Variants in ZNF611 observed in about 807,000 individuals in gnomAD.
ZNF611 encodes zinc finger protein 611.
ZNF611 carries 6 observed loss-of-function variants against 8.9 expected under a neutral mutation model. The ratio of observed to expected loss-of-function variants is 0.68; its 90% CI spans 0.37 to 1.34. The LOEUF (loss-of-function observed/expected upper bound fraction) is 1.34. ZNF611 is among the 40% of genes most tolerant of loss of function. ZNF611 has a pLI of 0.02. For missense variants in ZNF611, 874 were observed against 841.3 expected (o/e 1.04, Z -0.48); for synonymous variants, 262 against 279.7 (o/e 0.94, Z 0.63).
intron 2 of ZNF611, among the ~76,000 whole-genome samples, chr19:52,729,312 T>C (rs532588761): frequency 6.6e-6 from 1 of 151,732 alleles, no homozygotes; most frequent in South Asian, 2.1e-4. Flanking sequence ...CAAATAATCA[T>C]AGCACAAAGA....
chr19:52,714,263 G>A, intron 4 of ZNF611, 122 bp from the exon 5 acceptor site: 2 of 1,502,574 alleles, frequency 1.3e-6, no homozygotes, highest in Non-Finnish European at 1.8e-6. Context: ...ACAAAAGGAT[G>A]TTAAGGTATT....
rs1447502855 is a variant in ZNF611, at chr19:52,715,415, G to A, written c.63+417C>T. Among the ~76,000 whole-genome samples the A allele has an allele frequency of 7.9e-5, 12 of 152,240 alleles. No individual in the cohort carries two copies. In the South Asian group the frequency reaches 1.4e-3, roughly 18 times the overall value. ...GGTTGCAGTGAGCTGATACCATGCC[G>A]GATACAAAATCTCTCTCCTTATTAT... On this transcript the variant is annotated intron_variant, in intron 4 of 5. Transcript: ENST00000652185.
intron 3 of ZNF611, among the ~76,000 whole-genome samples, chr19:52,723,120 CTTG>C (rs1486331570): frequency 6.6e-6 from 1 of 151,576 alleles, no homozygotes; most frequent in Non-Finnish European, 1.5e-5. Context: ...CTTTCTAGCT[CTTG>C]TTTTCTTTTC....
rs750311214 is a variant in ZNF611, at chr19:52,706,458, C to G, written c.597G>C (p.Arg199Ser). ...SVSTFQRISC[R>S]PQTQISNNYG... is the part of the protein sequence containing the mutation. ...AGTTATTAGAAATCTGGGTTTGGGGCCTACAGGAAATTCTTTGGAATGTTG... is the reference window on the plus strand; with the variant it reads ...AGTTATTAGAAATCTGGGTTTGGGGGCTACAGGAAATTCTTTGGAATGTTG... The change falls in exon 6 of 6, where the codon AGG (arginine) becomes AGC (serine). Residue 199 changes from arginine (R) to serine (S), a missense_variant. Coordinates refer to ENST00000652185, the MANE Select transcript of ZNF611 (RefSeq NM_001161499.2). The G allele has an allele frequency of 6.2e-7, 1 of 1,614,030 alleles. No homozygotes were observed. Among genetic ancestry groups the G allele is most frequent in the Admixed American group, 1.7e-5 (1 of 59,992 alleles).
chr19:52,731,070 T>G (rs28850924), intron 1 of ZNF611, among the ~76,000 whole-genome samples: 53,437 of 151,112 alleles, frequency 0.35, 9,495 homozygotes, highest in East Asian at 0.41. Context: ...TATTTTTTTT[T>G]GGGGGTGGGG....
rs562082284 is a variant in ZNF611 at position 52,722,730 on chromosome 19, C to T, written c.-20+6000G>A. Among the ~76,000 whole-genome samples, 4 of 152,206 alleles carry T rather than the reference C, an allele frequency of 2.6e-5. No individual in the cohort carries two copies. The East Asian group carries it at 7.7e-4, about 29-fold the overall frequency. On this transcript the variant is annotated intron_variant, in intron 3 of 5. Transcript: ENST00000652185. ...ACACACTCATCTGTATCCAAAGTCC[C>T]CCACCCTTTTTTTCTTTTAAAACAG...
At chr19:52,713,949 C>G in intron 5 of ZNF611, 66 bp downstream of exon 5, 2 of 1,593,654 alleles carry the variant, frequency 1.3e-6, no homozygotes, top group Non-Finnish European at 1.7e-6. Context: ...AAAGAGGATA[C>G]AAAGCCAGGA....
At chr19:52,714,474 G>C (rs535309829) in intron 4 of ZNF611, among the ~76,000 whole-genome samples, 2 of 151,558 alleles carry the variant, frequency 1.3e-5, no homozygotes, top group Admixed American at 1.3e-4. Flanking sequence ...GATTATTTGC[G>C]GTCAAGAGTT....
At chr19:52,715,477 T>C (rs1234822504) in intron 4 of ZNF611, among the ~76,000 whole-genome samples, 2 of 152,228 alleles carry the variant, frequency 1.3e-5, no homozygotes, top group African/African-American at 4.8e-5. Flanking sequence ...TCTGTGCACA[T>C]TAACATATGT....
rs1381924422 is a variant in ZNF611, at chr19:52,703,376, G to C, written c.*1561C>G. 6.6e-6 allele frequency: 1 copy of C among 151,992 alleles called. No homozygotes were observed. The highest frequency in any genetic ancestry group is 1.5e-5 in the Non-Finnish European group (1 of 68,014). The allele number at this position is 151,992 out of a possible 1,614,324, so 9.4% of individuals were successfully genotyped here. A position where few individuals can be genotyped will look rare whatever the true frequency, so the allele number is the denominator to read the frequency against. ...GGTTCACTGCAACTTCTACCTCCTA[G>C]GTTTAAGCAATTCTCATGCCCCAGC... On this transcript the variant is annotated 3_prime_UTR_variant, in exon 6 of 6. Transcript: ENST00000652185.
chr19:52,718,045 C>A (rs2147432712), intron 3 of ZNF611, among the ~76,000 whole-genome samples: 1 of 152,150 alleles, frequency 6.6e-6, no homozygotes, highest in South Asian at 2.1e-4. Flanking sequence ...TGAAAATATA[C>A]CATACTTTGA....
Position 52,705,483 on chromosome 19 carries a change from G to A in ZNF611, c.1572C>T (p.Ser524=). Residue 524 remains serine (S), a synonymous_variant, in exon 6 of 6, where the codon AGC becomes AGT. Coordinates refer to ENST00000652185, the MANE Select transcript of ZNF611 (RefSeq NM_001161499.2). ...TATGACCTATCTTATGTGTCTCAAGGCTTGATTTACGACTGAAAACCTTTT... is the reference window on the plus strand; with the variant it reads ...TATGACCTATCTTATGTGTCTCAAGACTTGATTTACGACTGAAAACCTTTT... ...ECEKVFSRKS[S]LETHKIGHTG... The A allele has an allele frequency of 1.2e-6, 2 of 1,614,084 alleles. No individual in the cohort carries two copies. Among genetic ancestry groups the A allele is most frequent in the Non-Finnish European group, 1.7e-6 (2 of 1,180,024 alleles).
At chr19:52,727,624 G>A (rs1270603220) in intron 3 of ZNF611, among the ~76,000 whole-genome samples, 2 of 152,160 alleles carry the variant, frequency 1.3e-5, no homozygotes, top group Non-Finnish European at 2.9e-5. Flanking sequence ...AGTAGAGACA[G>A]AGTTTCACCA....
intron 3 of ZNF611, among the ~76,000 whole-genome samples, chr19:52,726,550 C>T (rs2147444892): frequency 6.6e-6 from 1 of 152,068 alleles, no homozygotes; most frequent in Non-Finnish European, 1.5e-5. Context: ...AGTTGAGTAA[C>T]TGGGACTACA....
chr19:52,727,907 CTTTT>C (rs11319896), intron 3 of ZNF611, among the ~76,000 whole-genome samples: 5 of 105,884 alleles, frequency 4.7e-5, no homozygotes, highest in African/African-American at 7.4e-5. Context: ...TGTTGTGTGC[CTTTT>C]TTTTTTTTTT....
At chr19:52,734,362 C>T (rs1368899480) in intron 1 of ZNF611, among the ~76,000 whole-genome samples, 2 of 152,086 alleles carry the variant, frequency 1.3e-5, no homozygotes, top group Admixed American at 1.3e-4. Flanking sequence ...TGGAGTAAGA[C>T]GCCTGCATCC....
chr19:52,721,721 G>A (rs1372613089), intron 3 of ZNF611, among the ~76,000 whole-genome samples: 2 of 151,908 alleles, frequency 1.3e-5, no homozygotes, highest in Non-Finnish European at 2.9e-5. Flanking sequence ...GGCAGAGGGA[G>A]AGGGAGAGGG....
rs538600193 is a variant in ZNF611, at chr19:52,704,170, G to A, written c.*767C>T. The A allele has an allele frequency of 2.6e-4, 100 of 381,428 alleles. No homozygotes were observed. The highest frequency in any genetic ancestry group is 4.8e-4 in the Non-Finnish European group (91 of 188,006). 23.6% of individuals were successfully genotyped at this position (381,428 alleles called of 1,614,324 possible). A position where few individuals can be genotyped will look rare whatever the true frequency, so the allele number is the denominator to read the frequency against. The stretch of plus-strand genomic sequence containing the variant: ...ACATAAACACTTGAATGTCAATAAA[G>A]GCTTGAACTCAATGTTAAGTCAACA... On this transcript the variant is annotated 3_prime_UTR_variant, in exon 6 of 6. Coordinates refer to ENST00000652185, the MANE Select transcript of ZNF611 (RefSeq NM_001161499.2).
intron 3 of ZNF611, among the ~76,000 whole-genome samples, chr19:52,727,460 CAT>C (rs2062400050): frequency 7.1e-6 from 1 of 141,598 alleles, no homozygotes; most frequent in Non-Finnish European, 1.5e-5. Flanking sequence ...CTTGGTCACA[CAT>C]AGTTCATCCT....
Sources: gnomAD v4.1 joint callset for allele counts (sites outside exome capture counted in the v4.1 genomes callset) on GRCh38, gnomAD v4.1.1 for gene constraint, MANE v1.5 for transcripts, NCBI Gene and HGNC (gene_info 2026-07-23, HGNC 2026-07-21) for gene names.